DOP1B: variants seen among roughly 807,000 people sequenced by gnomAD.
DOP1B encodes the protein protein DOP1B.
A neutral mutation model predicts 233.5 loss-of-function variants in DOP1B; 174 were observed. That is an observed-to-expected ratio of 0.75 (90% confidence interval 0.66 to 0.85). The LOEUF (loss-of-function observed/expected upper bound fraction) is 0.85. DOP1B is among the 40% of genes least tolerant of loss of function. The probability of loss-of-function intolerance (pLI) is 0.00; values close to 1 mark genes in which losing one functional copy is unlikely to be tolerated. For synonymous variants in DOP1B, 1,190 were observed against 1,185.6 expected (o/e 1.00, Z -0.08); for missense variants, 2,652 against 2,846.6 (o/e 0.93, Z 1.56).
intron 21 of DOP1B, 133 bp from the exon 22 acceptor site, chr21:36,251,029 C>T: frequency 1.6e-6 from 2 of 1,224,870 alleles, no homozygotes; most frequent in Non-Finnish European, 2.2e-6. Context: ...ATCAGGGAAG[C>T]ACCTCAGCAC....
intron 28 of DOP1B, 109 bp downstream of exon 28, chr21:36,277,209 C>A: frequency 9.4e-7 from 1 of 1,063,834 alleles, no homozygotes; most frequent in Non-Finnish European, 1.4e-6. Context: ...CCGCACCCTC[C>A]CAGGTGAGCT....
intron 21 of DOP1B, among the ~76,000 whole-genome samples, chr21:36,250,128 C>G (rs1265525713): frequency 6.6e-6 from 1 of 152,140 alleles, no homozygotes; most frequent in Non-Finnish European, 1.5e-5. Flanking sequence ...ACTCCTAGCC[C>G]TCCCTGAGGA....
At chr21:36,235,455 C>T (rs897420611) in intron 15 of DOP1B, among the ~76,000 whole-genome samples, 8 of 151,980 alleles carry the variant, frequency 5.3e-5, no homozygotes, top group Middle Eastern at 3.2e-3. Context: ...CTCGGTGGCT[C>T]ACGCCTGTAA....
chr21:36,272,242 C>G (rs1030736133), intron 27 of DOP1B, among the ~76,000 whole-genome samples: 13 of 152,198 alleles, frequency 8.5e-5, no homozygotes, highest in Non-Finnish European at 1.3e-4. Context: ...AATCCCAGCA[C>G]TTTGGGAGGC....
intron 15 of DOP1B, among the ~76,000 whole-genome samples, chr21:36,233,876 C>T (rs898371904): frequency 1.3e-4 from 20 of 152,030 alleles, no homozygotes; most frequent in Non-Finnish European, 2.4e-4. Context: ...GTTGTTGAGA[C>T]GGAGTCCCGC....
At chr21:36,235,569 A>G (rs751402832) in intron 15 of DOP1B, among the ~76,000 whole-genome samples, 5 of 152,160 alleles carry the variant, frequency 3.3e-5, no homozygotes, top group Admixed American at 6.5e-5. Flanking sequence ...AAAAAAAAAA[A>G]ATACAAAAAT....
At position 36,199,211 on chromosome 21, in the gene DOP1B, G is replaced by T; in HGVS notation, c.280G>T (p.Val94Leu). The part of the protein sequence containing the change: ...LETYEIIFKI[V>L]GTKWLAKDLF... ...AACCTACGAGATTATCTTTAAAATC[G>T]TGGGGACCAAATGGCTGGCCAAGGA... The change falls in exon 3 of 37, where the codon GTG becomes TTG. Residue 94 changes from valine (V) to leucine (L), a missense_variant. By Grantham distance (32) the Val-to-Leu change is conservative. Transcript: ENST00000691173. The T allele has an allele frequency of 1.2e-6, 2 of 1,614,116 alleles. No individual in the cohort carries two copies. The highest frequency in any genetic ancestry group is 1.7e-6 in the Non-Finnish European group (2 of 1,180,020).
At chr21:36,181,902 A>C (rs911525270) in intron 2 of DOP1B, among the ~76,000 whole-genome samples, 2 of 152,230 alleles carry the variant, frequency 1.3e-5, no homozygotes, top group African/African-American at 4.8e-5. Flanking sequence ...TTCTTGTGTC[A>C]TAAAGGATCA....
rs1295091592 is a variant in DOP1B, at chr21:36,245,500, G to A, written c.3520G>A (p.Ala1174Thr). ...AFQSESFKAG[A>T]KLSLVRVDSD... is the part of the protein sequence containing the mutation. ...CCAGTCAGAAAGCTTCAAGGCTGGG[G>A]CCAAGTTAAGCCTGGTGCGGGTGGA... Residue 1174 changes from alanine to threonine, a missense_variant, in exon 19 of 37, where the codon GCC becomes ACC. Coordinates refer to ENST00000691173, the MANE Select transcript of DOP1B (RefSeq NM_001320714.2). This position sits in a 1 kb window ranked among gnomAD's most constrained non-coding sequence, Gnocchi z 5.5. The A allele has an allele frequency of 2.5e-6, 4 of 1,613,614 alleles. No individual in the cohort carries two copies. In the East Asian group the frequency reaches 8.9e-5, roughly 36 times the overall value.
chr21:36,162,764 C>CA (rs1247805397), intron 1 of DOP1B, among the ~76,000 whole-genome samples: 1 of 152,012 alleles, frequency 6.6e-6, no homozygotes, highest in East Asian at 1.9e-4. Context: ...AGGCTGGTCT[C>CA]AAACATCTGA....
At chr21:36,179,547 T>G (rs2066071468) in intron 2 of DOP1B, among the ~76,000 whole-genome samples, 1 of 152,178 alleles carries the variant, frequency 6.6e-6, no homozygotes, top group Non-Finnish European at 1.5e-5. Context: ...TTGTAGGTAA[T>G]AGCAAAAAAT....
chr21:36,229,454 G>T (rs1300402845), intron 13 of DOP1B, among the ~76,000 whole-genome samples: 1 of 152,080 alleles, frequency 6.6e-6, no homozygotes, highest in Non-Finnish European at 1.5e-5. Context: ...GTGCATGTCT[G>T]TCTCTGTGTC....
At position 36,158,922 on chromosome 21, in the gene DOP1B, G is replaced by C. The variant is rs8129254; in HGVS notation, c.-27+1979G>C. Among the ~76,000 whole-genome samples the C allele has an allele frequency of 6.2e-3, 937 of 152,048 alleles. 23 individuals carry two copies. The East Asian group carries it at 0.09, about 15-fold the overall frequency. On this transcript the variant is annotated intron_variant, in intron 1 of 36. Coordinates refer to ENST00000691173, the MANE Select transcript of DOP1B (RefSeq NM_001320714.2). ...GTGGGCGGATCACCTTACGTCAGGAGTTTGAGACCAGCCTGGCCAACATGG... is the reference window on the plus strand; with the variant it reads ...GTGGGCGGATCACCTTACGTCAGGACTTTGAGACCAGCCTGGCCAACATGG...
chr21:36,244,019 C>CT (rs35020490), intron 18 of DOP1B, among the ~76,000 whole-genome samples: 11,186 of 70,718 alleles, frequency 0.16, 1,106 homozygotes, highest in East Asian at 0.45. Flanking sequence ...TTTTCCTTTC[C>CT]TTTTTTTTTT....
intron 2 of DOP1B, among the ~76,000 whole-genome samples, chr21:36,176,111 T>TGTGTGTGC (rs1209422416): frequency 2.8e-4 from 42 of 151,948 alleles, no homozygotes; most frequent in Admixed American, 1.5e-3. Context: ...TGTGTGTGTG[T>TGTGTGTGC]GTGTGTGTGT....
intron 5 of DOP1B, among the ~76,000 whole-genome samples, chr21:36,211,312 A>C (rs1193339204): frequency 6.6e-6 from 1 of 152,160 alleles, no homozygotes; most frequent in Non-Finnish European, 1.5e-5. Flanking sequence ...GAACCCGGCC[A>C]TCTGGTCCAA....
intron 21 of DOP1B, among the ~76,000 whole-genome samples, chr21:36,249,400 C>A (rs1025798739): frequency 6.6e-6 from 1 of 152,176 alleles, no homozygotes; most frequent in African/African-American, 2.4e-5. Flanking sequence ...TGCACTCAAG[C>A]CTGGGTGACA....
chr21:36,263,883 C>G (rs371510372), intron 26 of DOP1B, 69 bp downstream of exon 26: 25 of 1,425,830 alleles, frequency 1.8e-5, no homozygotes, highest in Non-Finnish European at 2.4e-5. Context: ...TGGGGGATAT[C>G]AGATAGCAGG....
intron 27 of DOP1B, 28 bp from the exon 28 acceptor site, chr21:36,276,993 A>T: frequency 6.2e-7 from 1 of 1,612,666 alleles, no homozygotes; most frequent in Non-Finnish European, 8.5e-7. Context: ...ATCATAGTTA[A>T]CATACAAATG....
Sources: gnomAD v4.1 joint callset for allele counts (sites outside exome capture counted in the v4.1 genomes callset) on GRCh38, gnomAD v4.1.1 for gene constraint, Gnocchi (gnomAD v3.1) non-coding constraint, MANE v1.5 for transcripts, NCBI Gene and HGNC (gene_info 2026-07-23, HGNC 2026-07-21) for gene names.